The following SLC16A2 variants were observed in gnomAD, a reference collection of about 807,000 sequenced individuals.
The protein encoded by SLC16A2 is solute carrier family 16 member 2, also known as monocarboxylate transporter 8.
In SLC16A2, 3 loss-of-function variants were observed where a neutral mutation model predicts 27.2. The observed-to-expected ratio is 0.11, with a 90% CI of 0.05 to 0.28. SLC16A2 has a LOEUF of 0.28. SLC16A2 is among the 10% of genes least tolerant of loss of function. The probability of loss-of-function intolerance (pLI) is 1.00; values close to 1 mark genes in which losing one functional copy is unlikely to be tolerated. For synonymous variants in SLC16A2, 202 were observed against 187.8 expected (o/e 1.08, Z -0.62); for missense variants, 295 against 458.5 (o/e 0.64, Z 3.26).
At chrX:74,436,997 G>A (rs138969471) in intron 1 of SLC16A2, among the ~76,000 whole-genome samples, 1,598 of 112,354 alleles carry the variant, frequency 0.014, 26 homozygotes, top group African/African-American at 0.05. Context: ...TACTGGCCAC[G>A]CCAGCCTGTA....
rs746687672 is a variant in SLC16A2 at position 74,524,606 on chromosome X, C to G, written c.823C>G (p.Leu275Val). 1 of 1,211,505 alleles carries G rather than the reference C, an allele frequency of 8.3e-7. No homozygotes were observed. Among genetic ancestry groups the G allele is most frequent in the Non-Finnish European group, 1.1e-6 (1 of 895,461 alleles). The change falls in exon 3 of 6, where the codon CTG becomes GTG. Residue 275 changes from leucine to valine, a missense_variant. By Grantham distance (32) the Leu-to-Val change is conservative. Transcript: ENST00000587091. ...VLSTFMFVLM[L>V]LSLTYRPLLP... Reference sequence around the variant, plus strand: ...GAGTACCTTCATGTTTGTTCTTATGCTGCTTTCACTCACCTACCGGCCCCT... The same window carrying G: ...GAGTACCTTCATGTTTGTTCTTATGGTGCTTTCACTCACCTACCGGCCCCT...
At chrX:74,524,839 C>T in intron 3 of SLC16A2, 30 bp downstream of exon 3, 4 of 1,164,198 alleles carry the variant, frequency 3.4e-6, no homozygotes, top group Non-Finnish European at 4.7e-6. Context: ...GCCCACCCCA[C>T]CTGGCCCCAA....
At chrX:74,468,885 G>C (rs1929301322) in intron 1 of SLC16A2, among the ~76,000 whole-genome samples, 1 of 110,478 alleles carries the variant, frequency 9.1e-6, no homozygotes, top group African/African-American at 3.3e-5. Flanking sequence ...TGTAACTATA[G>C]GCACCCTATT....
Position 74,511,204 on chromosome X carries a change from C to T in SLC16A2, c.431-9786C>T, listed in dbSNP as rs184466833. 6.9e-4 allele frequency among the ~76,000 whole-genome samples: 76 copies of T among 109,754 alleles called. No homozygotes were observed. In the East Asian group the frequency reaches 9.0e-3, roughly 13 times the overall value. ...TTATTTATTTTATTTTTTTTTGAGA[C>T]GGAGTCTCGCTCTGTCGCCCAGGCT... On this transcript the variant is annotated intron_variant, in intron 1 of 5. Transcript: ENST00000587091.
intron 1 of SLC16A2, among the ~76,000 whole-genome samples, chrX:74,494,789 C>G (rs1406339955): frequency 2.7e-5 from 3 of 111,140 alleles, no homozygotes; most frequent in African/African-American, 9.8e-5. Flanking sequence ...CAGTGTCACC[C>G]AGCTACTGAG....
At chrX:74,522,603 G>A (rs1283838305) in intron 2 of SLC16A2, among the ~76,000 whole-genome samples, 2 of 111,994 alleles carry the variant, frequency 1.8e-5, no homozygotes, top group Admixed American at 1.9e-4. Context: ...TTAAGACCGA[G>A]CAGAGCAAAG....
At chrX:74,489,961 TCACACACATACACACACACACACACACA>T (rs1230381089) in intron 1 of SLC16A2, among the ~76,000 whole-genome samples, 2 of 22,922 alleles carry the variant, frequency 8.7e-5, no homozygotes, top group African/African-American at 2.4e-4. Flanking sequence ...ATTATAAAGG[TCACACACATACACACACACACACACACA>T]CACACACACA....
rs190053607 is a variant in SLC16A2 at position 74,463,221 on chromosome X, T to C, written c.430+41154T>C. On this transcript the variant is annotated intron_variant, in intron 1 of 5. Transcript: ENST00000587091. ...TCACATCAGAGCATTCCTGCTTTTA[T>C]ATTATTTATGCAATGTACTTCAGTG... Among the ~76,000 whole-genome samples the C allele has an allele frequency of 7.9e-3, 889 of 111,836 alleles. 2 individuals are homozygous for C. Among genetic ancestry groups the C allele is most frequent in the Middle Eastern group, 0.032 (7 of 216 alleles).
intron 1 of SLC16A2, among the ~76,000 whole-genome samples, chrX:74,484,694 A>G (rs936400516): frequency 2.7e-5 from 3 of 111,641 alleles, no homozygotes; most frequent in Admixed American, 9.5e-5. Context: ...TTTGGTTTAC[A>G]TTTTCCCCTT....
chrX:74,432,263 G>A (rs974606899), intron 1 of SLC16A2, among the ~76,000 whole-genome samples: 2 of 111,232 alleles, frequency 1.8e-5, no homozygotes, highest in Non-Finnish European at 3.8e-5. Flanking sequence ...GGGTCAGAAG[G>A]TCTGGGCTAG....
chrX:74,474,093 A>G (rs1929415508), intron 1 of SLC16A2: 1 of 125,447 alleles, frequency 8.0e-6, no homozygotes, highest in Admixed American at 8.9e-5. Context: ...CAGTTTGTCA[A>G]TTTCTGCAAA....
At chrX:74,476,848 A>G (rs747580230) in intron 1 of SLC16A2, 2 of 111,557 alleles carry the variant, frequency 1.8e-5, no homozygotes, top group Non-Finnish European at 3.8e-5. Context: ...ATGATGGATA[A>G]GCTTTTTGAT....
chrX:74,493,864 G>T lies in SLC16A2; in HGVS notation c.431-27126G>T, dbSNP rs184915127. On this transcript the variant is annotated intron_variant, in intron 1 of 5. Coordinates refer to ENST00000587091, the MANE Select transcript of SLC16A2 (RefSeq NM_006517.5). ...GAGTAAACCACGGAAAGTGGGGGTT[G>T]TGAGGACCTTACCCCCATTCCCATC... 8.7e-3 allele frequency among the ~76,000 whole-genome samples: 975 copies of T among 111,569 alleles called. 2 individuals carry two copies. The highest frequency in any genetic ancestry group is 0.015 in the Non-Finnish European group (789 of 53,046).
intron 1 of SLC16A2, among the ~76,000 whole-genome samples, chrX:74,439,707 G>A (rs1306595668): frequency 9.2e-6 from 1 of 108,809 alleles, no homozygotes; most frequent in African/African-American, 3.4e-5. Context: ...TGGGGGAGTG[G>A]GGGGTGGTAC....
chrX:74,476,555 C>G (rs1247109950), intron 1 of SLC16A2, among the ~76,000 whole-genome samples: 39 of 111,764 alleles, frequency 3.5e-4, no homozygotes, highest in Non-Finnish European at 6.4e-4. Flanking sequence ...TGTCTTGTGC[C>G]AGTTTTCAAA....
At chrX:74,500,511 T>G (rs183327730) in intron 1 of SLC16A2, among the ~76,000 whole-genome samples, 2 of 111,533 alleles carry the variant, frequency 1.8e-5, no homozygotes, top group African/African-American at 6.5e-5. Flanking sequence ...CCAAGCAGTA[T>G]ACACTGCACC....
In SLC16A2 at chrX:74,442,228, CAA is replaced by C. The variant is rs1278847714; in HGVS notation, c.430+20181_430+20182del. On this transcript the variant is annotated intron_variant, in intron 1 of 5. Transcript: ENST00000587091. ...GAGCAACAAGACTGAAACTCCGTCT[CAA>C]AAAAAAAAAAAAAAAAAAAGAAATG... 3.2e-3 allele frequency among the ~76,000 whole-genome samples: 121 copies of C among 38,366 alleles called. 1 individual carries two copies. The highest frequency in any genetic ancestry group is 0.014 in the Middle Eastern group (1 of 74). The allele number at this position is 38,366 out of a possible 115,157, so 33.3% of individuals were successfully genotyped here. A position where few individuals can be genotyped will look rare whatever the true frequency, so the allele number is the denominator to read the frequency against.
At chrX:74,499,858 G>T (rs1259401267) in intron 1 of SLC16A2, among the ~76,000 whole-genome samples, 2 of 111,279 alleles carry the variant, frequency 1.8e-5, no homozygotes, top group Non-Finnish European at 3.8e-5. Context: ...TAGCAATATT[G>T]GTCTGCAAGC....
chrX:74,464,508 C>T (rs1929215149), intron 1 of SLC16A2, among the ~76,000 whole-genome samples: 1 of 111,904 alleles, frequency 8.9e-6, no homozygotes, highest in African/African-American at 3.2e-5. Flanking sequence ...TAATTTAAGA[C>T]TTGTATAAGG....
Sources: gnomAD v4.1 joint callset for allele counts (sites outside exome capture counted in the v4.1 genomes callset) on GRCh38, gnomAD v4.1.1 for gene constraint, MANE v1.5 for transcripts, NCBI Gene and HGNC (gene_info 2026-07-23, HGNC 2026-07-21) for gene names.